HECTD4: variants seen among roughly 807,000 people sequenced by gnomAD.
The protein encoded by HECTD4 is HECT domain E3 ubiquitin protein ligase 4, also known as probable E3 ubiquitin-protein ligase HECTD4.
Under a neutral mutation model 471.5 loss-of-function variants are expected in HECTD4, and 114 were observed. The ratio of observed to expected loss-of-function variants is 0.24; its 90% confidence interval spans 0.21 to 0.28. The LOEUF (loss-of-function observed/expected upper bound fraction) is 0.28. Among genes scored for constraint, HECTD4 ranks in the 10% least tolerant of loss-of-function variants. HECTD4 has a pLI of 1.00. For synonymous variants in HECTD4, 2,012 were observed against 2,256.0 expected, an observed-to-expected ratio of 0.89 and a Z score of 3.07; for missense variants, 3,866 against 5,651.5, an observed-to-expected ratio of 0.68 and a Z score of 10.13.
Position 112,229,888 on chromosome 12 carries a change from T to C in HECTD4, c.6337-8A>G. ...CAGTGCTCTAGACAGAACCTAAATA[T>C]AGAAGCAGCCCGTGCACTAGGAGTT... On this transcript the variant is annotated splice_polypyrimidine_tract_variant and splice_region_variant and intron_variant, in intron 40 of 75. Coordinates refer to ENST00000682272, the MANE Select transcript of HECTD4 (RefSeq NM_001388303.1). The C allele has an allele frequency of 1.9e-6, 3 of 1,609,622 alleles. No individual in the cohort carries two copies. Among genetic ancestry groups the C allele is most frequent in the East Asian group, 2.2e-5 (1 of 44,788 alleles).
chr12:112,322,306 G>GT (rs2035599948), intron 1 of HECTD4: 1 of 152,222 alleles, frequency 6.6e-6, no homozygotes, highest in African/African-American at 2.4e-5. Flanking sequence ...AGGAGTTCAA[G>GT]GCTGCAGTGA....
At chr12:112,244,988 T>C (rs2033726436) in intron 29 of HECTD4, among the ~76,000 whole-genome samples, 1 of 152,180 alleles carries the variant, frequency 6.6e-6, no homozygotes, top group Non-Finnish European at 1.5e-5. Context: ...TTTTGTTTTA[T>C]TTTTCTAAAA....
At chr12:112,370,135 A>T (rs572102452) in intron 1 of HECTD4, among the ~76,000 whole-genome samples, 1 of 152,302 alleles carries the variant, frequency 6.6e-6, no homozygotes, top group South Asian at 2.1e-4. Context: ...AGGCGATGTG[A>T]TGACAGATGA....
rs183570809 is a variant in HECTD4, at chr12:112,368,965, T to G, written c.177+12987A>C. 2.1e-3 allele frequency among the ~76,000 whole-genome samples: 315 copies of G among 152,328 alleles called. 1 individual carries two copies. Among genetic ancestry groups the G allele is most frequent in the Middle Eastern group, 6.8e-3 (2 of 294 alleles). On this transcript the variant is annotated intron_variant, in intron 1 of 75. Coordinates refer to ENST00000682272, the MANE Select transcript of HECTD4 (RefSeq NM_001388303.1). Reference sequence around the variant, plus strand: ...CAAATAATCTCCCTCACAACTGCTGTGCATTCTGAGCACACTTCGGGAGCC... The same window carrying G: ...CAAATAATCTCCCTCACAACTGCTGGGCATTCTGAGCACACTTCGGGAGCC...
At position 112,184,132 on chromosome 12, in the gene HECTD4, TG is replaced by T; in HGVS notation, c.10779+54del. ...TAACTTTGGAAGATTTAAAGAGGCT[TG>T]GGGGATTGAAATGGGTCATGATTTA... On this transcript the variant is annotated intron_variant, in intron 61 of 75. Transcript: ENST00000682272. The surrounding 1 kb of genome is among the most constrained non-coding windows in gnomAD (Gnocchi z 9.1). 6.9e-7 allele frequency: 1 copy of T among 1,448,752 alleles called. No homozygotes were observed. Among genetic ancestry groups the T allele is most frequent in the Non-Finnish European group, 9.5e-7 (1 of 1,054,184 alleles). The allele number at this position is 1,448,752 out of a possible 1,614,324, so 89.7% of individuals were successfully genotyped here.
intron 68 of HECTD4, 175 bp downstream of exon 68, chr12:112,170,942 T>C: frequency 1.8e-6 from 1 of 548,274 alleles, no homozygotes; most frequent in Non-Finnish European, 3.2e-6. Flanking sequence ...TTAAAGTAAC[T>C]TCCCTTGGGT....
intron 41 of HECTD4, among the ~76,000 whole-genome samples, chr12:112,229,291 C>T (rs2033316638): frequency 2.0e-5 from 3 of 152,146 alleles, no homozygotes; most frequent in Non-Finnish European, 4.4e-5. Flanking sequence ...TGCACCATTG[C>T]ACTTCAGCCT....
chr12:112,221,730 C>T (rs747328629), intron 44 of HECTD4, among the ~76,000 whole-genome samples: 11 of 151,684 alleles, frequency 7.3e-5, no homozygotes, highest in South Asian at 2.1e-4. Flanking sequence ...CATAGGGAGA[C>T]GCTGTCTCTT....
intron 7 of HECTD4, among the ~76,000 whole-genome samples, chr12:112,288,437 C>T (rs1264102121): frequency 6.6e-6 from 1 of 151,348 alleles, no homozygotes; most frequent in South Asian, 2.1e-4. Flanking sequence ...GCCTGGGCAA[C>T]ATGGCAAAAC....
intron 1 of HECTD4, among the ~76,000 whole-genome samples, chr12:112,330,733 T>G (rs2035830105): frequency 6.6e-6 from 1 of 152,222 alleles, no homozygotes; most frequent in Admixed American, 6.5e-5. Context: ...GATAAATAAA[T>G]TCCAAGAATA....
intron 7 of HECTD4, among the ~76,000 whole-genome samples, chr12:112,291,764 C>T (rs528857600): frequency 4.6e-5 from 7 of 151,898 alleles, no homozygotes; most frequent in Non-Finnish European, 1.0e-4. Flanking sequence ...CCCAGCTACT[C>T]GGGAGGCTGA....
chr12:112,332,732 C>A (rs559694875), intron 1 of HECTD4, among the ~76,000 whole-genome samples: 1 of 151,854 alleles, frequency 6.6e-6, no homozygotes, highest in South Asian at 2.1e-4. Flanking sequence ...AATTCATCCA[C>A]CTAAAATATA....
intron 1 of HECTD4, among the ~76,000 whole-genome samples, chr12:112,340,020 G>A (rs1454541015): frequency 6.6e-6 from 1 of 151,416 alleles, no homozygotes; most frequent in African/African-American, 2.4e-5. Flanking sequence ...CTGCACTCCA[G>A]CCTGGGTGAC....
chr12:112,263,079 T>C (rs1490246827), intron 17 of HECTD4, among the ~76,000 whole-genome samples: 1 of 152,106 alleles, frequency 6.6e-6, no homozygotes, highest in African/African-American at 2.4e-5. Context: ...GGGCTTGTTG[T>C]TAATACAGCA....
rs1233444772 is a variant in HECTD4, at chr12:112,179,669, C to T, written c.10988-272G>A. Among the ~76,000 whole-genome samples, 1 of 152,218 alleles carries T rather than the reference C, an allele frequency of 6.6e-6. No homozygotes were observed. Among genetic ancestry groups the T allele is most frequent in the Admixed American group, 6.5e-5 (1 of 15,282 alleles). On this transcript the variant is annotated intron_variant, in intron 62 of 75. Transcript: ENST00000682272. This position sits in a 1 kb window ranked among gnomAD's most constrained non-coding sequence, Gnocchi z 4.3. ...TGCTGTCCTCTGCACTTGGCCCCTA[C>T]CTGGTTGCTCGGGGACGACAGGCCC...
intron 24 of HECTD4, among the ~76,000 whole-genome samples, 181 bp downstream of exon 24, chr12:112,250,790 A>G (rs2033864482): frequency 1.3e-5 from 2 of 152,170 alleles, no homozygotes. Context: ...AAATTTAGTA[A>G]AGTAAGGGCC....
At position 112,179,339 on chromosome 12, in the gene HECTD4, G is replaced by C. The variant is rs2031577766; in HGVS notation, c.11046C>G (p.Ala3682=). The C allele has an allele frequency of 6.2e-7, 1 of 1,613,354 alleles. No homozygotes were observed. Among genetic ancestry groups the C allele is most frequent in the African/African-American group, 1.3e-5 (1 of 75,052 alleles). The change falls in exon 63 of 76, where the codon GCC becomes GCG. Residue 3682 remains alanine (A), a synonymous_variant. Coordinates refer to ENST00000682272, the MANE Select transcript of HECTD4 (RefSeq NM_001388303.1). The surrounding 1 kb of genome is among the most constrained non-coding windows in gnomAD (Gnocchi z 4.3). ...TCAGGCTCAGCGTCTGCTCTGAATG[G>C]GCACAACTCTTAAATATCTCCGTCA... The part of the protein sequence containing the change: ...EVLTEIFKSC[A]HSEQTLSLTP...
chr12:112,270,975 C>T (rs945808323), intron 11 of HECTD4, among the ~76,000 whole-genome samples: 2 of 152,072 alleles, frequency 1.3e-5, no homozygotes, highest in Non-Finnish European at 2.9e-5. Context: ...TGAAAATGCC[C>T]GTTAGATAAC....
intron 3 of HECTD4, among the ~76,000 whole-genome samples, chr12:112,313,481 ATTTTTTT>A (rs34438364): frequency 8.5e-5 from 5 of 58,916 alleles, no homozygotes; most frequent in Admixed American, 2.1e-4. Flanking sequence ...TGCCCGGCTA[ATTTTTTT>A]TTTTTTTTTT....
Sources: allele counts gnomAD v4.1 joint callset (sites outside exome capture counted in the v4.1 genomes callset), GRCh38; gene constraint gnomAD v4.1.1; non-coding constraint Gnocchi (gnomAD v3.1); transcripts MANE v1.5; gene names NCBI Gene and HGNC (gene_info 2026-07-23, HGNC 2026-07-21).